The following ELOVL6 variants were observed in gnomAD, a reference collection of about 807,000 sequenced individuals.
ELOVL6 encodes very long chain fatty acid elongase 6.
In ELOVL6, 8 loss-of-function variants were observed where a neutral mutation model predicts 31.7. The ratio of observed to expected loss-of-function variants is 0.25; its 90% CI spans 0.15 to 0.45. ELOVL6 has a LOEUF of 0.45. Among genes scored for constraint, ELOVL6 ranks in the 20% least tolerant of loss-of-function variants. ELOVL6 has a pLI of 1.00. For synonymous variants in ELOVL6, 101 were observed against 117.7 expected (o/e 0.86, Z 0.92); for missense variants, 126 against 326.4 (o/e 0.39, Z 4.73).
rs11930425 is a variant in ELOVL6, at chr4:110,140,501, T to C, written c.90-34873A>G. Among the ~76,000 whole-genome samples, 1,314 of 152,214 alleles carry C rather than the reference T, an allele frequency of 8.6e-3. 22 individuals are homozygous for C. Among genetic ancestry groups the C allele is most frequent in the African/African-American group, 0.03 (1,228 of 41,552 alleles). ...TGAAGTGCAGTGGTGCAATCACAGC[T>C]CACTGTTTTAGCCTCCTGAGTAGCT... On this transcript the variant is annotated intron_variant, in intron 1 of 3. Coordinates refer to ENST00000302274, the MANE Select transcript of ELOVL6 (RefSeq NM_024090.3).
chr4:110,149,031 G>A (rs1033621119), intron 1 of ELOVL6, among the ~76,000 whole-genome samples: 5 of 152,036 alleles, frequency 3.3e-5, no homozygotes, highest in Non-Finnish European at 4.4e-5. Flanking sequence ...CAGCTAATTT[G>A]TTGTATTTTT....
intron 1 of ELOVL6, among the ~76,000 whole-genome samples, chr4:110,158,487 G>A (rs1341300744): frequency 2.8e-5 from 4 of 141,938 alleles, no homozygotes; most frequent in African/African-American, 9.9e-5. Flanking sequence ...TATCCCGAGG[G>A]CACGATCAGT....
chr4:110,194,565 T>C (rs1010268378), intron 1 of ELOVL6, among the ~76,000 whole-genome samples: 2 of 152,220 alleles, frequency 1.3e-5, no homozygotes, highest in African/African-American at 4.8e-5. Context: ...TAATGATTCA[T>C]TAAAGCAGCA....
At chr4:110,087,862 CAA>C (rs1186903137) in intron 2 of ELOVL6, among the ~76,000 whole-genome samples, 3 of 150,372 alleles carry the variant, frequency 2.0e-5, no homozygotes, top group Admixed American at 6.6e-5. Flanking sequence ...TACTTCCAAT[CAA>C]AGAGATTTCT....
In ELOVL6 at chr4:110,084,588, A is replaced by ATTTTTTTTTTTT. The variant is rs1168880044; in HGVS notation, c.221+20897_221+20908dup. ...GATATATATATATATATATATATAT[A>ATTTTTTTTTTTT]TTTTTTTTTTTTTTTTTTTTTTTTG... On this transcript the variant is annotated intron_variant, in intron 2 of 3. Transcript: ENST00000302274. 3.4e-4 allele frequency among the ~76,000 whole-genome samples: 10 copies of ATTTTTTTTTTTT among 29,656 alleles called. 2 individuals carry two copies. Among genetic ancestry groups the ATTTTTTTTTTTT allele is most frequent in the African/African-American group, 2.2e-3 (10 of 4,584 alleles). The allele number at this position is 29,656 out of a possible 152,430, so 19.5% of individuals were successfully genotyped here.
intron 1 of ELOVL6, among the ~76,000 whole-genome samples, chr4:110,126,581 C>T (rs758811428): frequency 2.0e-5 from 3 of 152,168 alleles, no homozygotes; most frequent in Non-Finnish European, 4.4e-5. Context: ...TGCTAGTCAT[C>T]TAACAACCCT....
chr4:110,117,903 A>AAAAAAAAAAAAT, intron 1 of ELOVL6: 2 of 6,506 alleles, frequency 3.1e-4, no homozygotes, highest in Non-Finnish European at 3.7e-4. Context: ...AAAAAAAAAA[A>AAAAAAAAAAAAT]ATATATATAT....
chr4:110,181,957 T>C (rs1309129330), intron 1 of ELOVL6, among the ~76,000 whole-genome samples: 2 of 152,216 alleles, frequency 1.3e-5, no homozygotes, highest in African/African-American at 4.8e-5. Context: ...CTCCTAGGCA[T>C]TCTGCAGTAC....
chr4:110,084,525 TACACTTACACACACACAC>T (rs1185022319), intron 2 of ELOVL6, among the ~76,000 whole-genome samples: 2 of 90,628 alleles, frequency 2.2e-5, no homozygotes, highest in African/African-American at 1.1e-4. Context: ...ATACATTATA[TACACTTACACACACACAC>T]ACACACACAC....
chr4:110,100,628 GGACTTGA>G (rs1756714918), intron 2 of ELOVL6, among the ~76,000 whole-genome samples: 1 of 152,142 alleles, frequency 6.6e-6, no homozygotes, highest in Admixed American at 6.5e-5. Context: ...GCAACCTTGA[GGACTTGA>G]GGGAAAAGAA....
chr4:110,084,084 G>GATATATAACATATATATGAT, intron 2 of ELOVL6, among the ~76,000 whole-genome samples: 1 of 77,672 alleles, frequency 1.3e-5, no homozygotes, highest in African/African-American at 4.9e-5. Context: ...TGCTATATAT[G>GATATATAACATATATATGAT]ATATATAACA....
chr4:110,147,834 G>T (rs933318597), intron 1 of ELOVL6, among the ~76,000 whole-genome samples: 3 of 150,028 alleles, frequency 2.0e-5, no homozygotes, highest in African/African-American at 4.9e-5. Context: ...CGCCAAAAAG[G>T]CCAGGCATGG....
intron 2 of ELOVL6, among the ~76,000 whole-genome samples, chr4:110,098,108 A>T (rs574657285): frequency 6.6e-6 from 1 of 152,324 alleles, no homozygotes; most frequent in Middle Eastern, 3.4e-3. Flanking sequence ...ACCGTGATAG[A>T]TTCTTCAAGA....
intron 1 of ELOVL6, among the ~76,000 whole-genome samples, chr4:110,185,529 C>T (rs1268546761): frequency 6.6e-6 from 1 of 152,122 alleles, no homozygotes; most frequent in African/African-American, 2.4e-5. Flanking sequence ...CTTAATTGTT[C>T]AAACCAAAAG....
At chr4:110,065,590 C>T (rs1266597615) in intron 2 of ELOVL6, among the ~76,000 whole-genome samples, 2 of 152,178 alleles carry the variant, frequency 1.3e-5, no homozygotes, top group African/African-American at 4.8e-5. Flanking sequence ...TGCCACTGCA[C>T]TCCAGCCTGG....
upstream of ELOVL6, chr4:110,199,168 G>A (rs1759916890): frequency 1.3e-5 from 2 of 152,130 alleles, no homozygotes; most frequent in African/African-American, 2.4e-5. Flanking sequence ...GAGGATAGTG[G>A]ATAGGCGAGA....
At chr4:110,169,231 G>GTTTTT (rs1220071580) in intron 1 of ELOVL6, among the ~76,000 whole-genome samples, 1 of 116,428 alleles carries the variant, frequency 8.6e-6, no homozygotes, top group Non-Finnish European at 1.9e-5. Context: ...GAGTTTTGGG[G>GTTTTT]TTTTTTGTTT....
chr4:110,179,883 T>C lies in ELOVL6; in HGVS notation c.89+18364A>G, dbSNP rs184956575. 7.0e-4 allele frequency among the ~76,000 whole-genome samples: 107 copies of C among 152,358 alleles called. 3 individuals are homozygous for C. Among genetic ancestry groups the C allele is most frequent in the Admixed American group, 6.6e-3 (101 of 15,300 alleles). Reference sequence around the variant, plus strand: ...AAGAAGGACAACCATTAGCACCTAATTTTAGTTATTTTCTGTACTCCATCA... The same window carrying C: ...AAGAAGGACAACCATTAGCACCTAACTTTAGTTATTTTCTGTACTCCATCA... On this transcript the variant is annotated intron_variant, in intron 1 of 3. Transcript: ENST00000302274.
intron 3 of ELOVL6, among the ~76,000 whole-genome samples, chr4:110,057,819 C>A (rs1755032899): frequency 6.7e-6 from 1 of 148,494 alleles, no homozygotes; most frequent in Admixed American, 6.8e-5. Context: ...CCACTGCACT[C>A]CAGCCTCGGC....
Sources: gnomAD v4.1 joint callset for allele counts (sites outside exome capture counted in the v4.1 genomes callset) on GRCh38, gnomAD v4.1.1 for gene constraint, MANE v1.5 for transcripts, NCBI Gene and HGNC (gene_info 2026-07-23, HGNC 2026-07-21) for gene names.